Variants in ERBB4 observed in about 807,000 individuals in gnomAD.
The protein encoded by ERBB4 is receptor tyrosine-protein kinase erbB-4.
A neutral mutation model predicts 158.0 loss-of-function variants in ERBB4; 42 were observed. That is an observed-to-expected ratio of 0.27 (90% CI 0.21 to 0.34). ERBB4 has a LOEUF of 0.34. Ranked by LOEUF, ERBB4 falls within the 10% of genes least tolerant of loss-of-function variation. ERBB4 has a pLI of 1.00. For missense variants in ERBB4, 1,333 were observed against 1,624.1 expected (o/e 0.82, Z 3.08); for synonymous variants, 583 against 558.7 (o/e 1.04, Z -0.61).
intron 19 of ERBB4, among the ~76,000 whole-genome samples, chr2:211,570,893 C>T (rs960868576): frequency 6.6e-6 from 1 of 152,034 alleles, no homozygotes; most frequent in Non-Finnish European, 1.5e-5. Context: ...CTCATTTTCA[C>T]CAAAGTCAAC....
intron 1 of ERBB4, among the ~76,000 whole-genome samples, chr2:212,432,871 T>C (rs2105946624): frequency 6.6e-6 from 1 of 152,176 alleles, no homozygotes; most frequent in Middle Eastern, 3.4e-3. Flanking sequence ...ATTCAGATGG[T>C]CGGTGAGGAT....
chr2:211,391,919 G>A (rs1435314309), intron 25 of ERBB4, among the ~76,000 whole-genome samples: 1 of 151,978 alleles, frequency 6.6e-6, no homozygotes, highest in Non-Finnish European at 1.5e-5. Flanking sequence ...AAATTAAACA[G>A]GTGATCAATG....
chr2:212,340,932 C>T (rs557275746), intron 1 of ERBB4, among the ~76,000 whole-genome samples: 2 of 152,096 alleles, frequency 1.3e-5, no homozygotes, highest in Non-Finnish European at 2.9e-5. Context: ...TAGATAATCA[C>T]AATTGATTTA....
intron 3 of ERBB4, among the ~76,000 whole-genome samples, chr2:211,919,909 T>C (rs574334398): frequency 6.6e-6 from 1 of 152,124 alleles, no homozygotes; most frequent in African/African-American, 2.4e-5. Context: ...TTCTGCAAAA[T>C]CTTCCTATAA....
At chr2:211,585,703 G>T (rs1039352510) in intron 19 of ERBB4, among the ~76,000 whole-genome samples, 2 of 151,988 alleles carry the variant, frequency 1.3e-5, no homozygotes, top group African/African-American at 2.4e-5. Flanking sequence ...AGCAAATAGG[G>T]TTTTAAGAAA....
intron 1 of ERBB4, among the ~76,000 whole-genome samples, chr2:212,184,646 G>GT (rs35634326): frequency 0.2 from 29,820 of 151,802 alleles, 3,114 homozygotes; most frequent in South Asian, 0.41. Flanking sequence ...GTGTTCGTTT[G>GT]TTTTTGTTTA....
intron 1 of ERBB4, among the ~76,000 whole-genome samples, chr2:212,387,553 G>T (rs142201490): frequency 6.6e-6 from 1 of 151,870 alleles, no homozygotes; most frequent in South Asian, 2.1e-4. Context: ...GAGTAGCTGG[G>T]ATTACGGGCA....
At chr2:211,847,632 A>T (rs1016896236) in intron 3 of ERBB4, among the ~76,000 whole-genome samples, 7 of 100,362 alleles carry the variant, frequency 7.0e-5, no homozygotes, top group African/African-American at 2.7e-4. Flanking sequence ...AAACATTATG[A>T]TTTTTTTTTG....
chr2:211,816,421 G>T (rs2076881178), intron 3 of ERBB4, among the ~76,000 whole-genome samples: 1 of 150,892 alleles, frequency 6.6e-6, no homozygotes, highest in Non-Finnish European at 1.5e-5. Context: ...CACGCCTGTA[G>T]TCCCAGTGAC....
intron 1 of ERBB4, among the ~76,000 whole-genome samples, chr2:212,192,857 T>C (rs566797217): frequency 6.6e-6 from 1 of 152,200 alleles, no homozygotes; most frequent in African/African-American, 2.4e-5. Context: ...TAGTGTGATT[T>C]GCTATCCATA....
At chr2:212,061,814 C>T (rs1398054704) in intron 2 of ERBB4, among the ~76,000 whole-genome samples, 1 of 150,942 alleles carries the variant, frequency 6.6e-6, no homozygotes, top group Non-Finnish European at 1.5e-5. Flanking sequence ...CAGCTCACCA[C>T]AAACTCCACC....
Position 211,492,697 on chromosome 2 carries a change from C to A in ERBB4, c.2488-61597G>T, listed in dbSNP as rs1235424889. 1.2e-4 allele frequency among the ~76,000 whole-genome samples: 19 copies of A among 152,110 alleles called. 1 individual carries two copies. The highest frequency in any genetic ancestry group is 1.2e-3 in the Admixed American group (19 of 15,286). ...GAGACCTTTGAGTCCCCTCTCTTAA[C>A]CTCCATTCACACTGTCAAACTATAT... On this transcript the variant is annotated intron_variant, in intron 20 of 27. Transcript: ENST00000342788.
intron 10 of ERBB4, 30 bp from the exon 11 acceptor site, chr2:211,704,224 A>G: frequency 7.4e-7 from 1 of 1,351,488 alleles, no homozygotes; most frequent in Non-Finnish European, 1.1e-6. Flanking sequence ...AAAATAAATC[A>G]GAATATCATT....
In ERBB4 at chr2:211,678,391, A is replaced by G. The variant is rs368556000; in HGVS notation, c.1622+661T>C. ...GAAGTATGAGAGGAAAATAAAAAAT[A>G]TTATTGGGATACATGGAGAGGAAGA... On this transcript the variant is annotated intron_variant, in intron 13 of 27. Transcript: ENST00000342788. Among the ~76,000 whole-genome samples, 3 of 152,112 alleles carry G rather than the reference A, an allele frequency of 2.0e-5. No homozygotes were observed. The East Asian group carries it at 5.8e-4, about 29-fold the overall frequency.
rs968241534 is a variant in ERBB4, at chr2:211,738,514, G to A, written c.622+12125C>T. 2.0e-5 allele frequency among the ~76,000 whole-genome samples: 3 copies of A among 151,816 alleles called. No homozygotes were observed. The East Asian group carries it at 5.8e-4, about 29-fold the overall frequency. On this transcript the variant is annotated intron_variant, in intron 5 of 27. Coordinates refer to ENST00000342788, the MANE Select transcript of ERBB4 (RefSeq NM_005235.3). ...CTCTTGAGTAGCTGGGACTACAGGT[G>A]TCTCTGCCACCACACTCAGCTAATT...
intron 15 of ERBB4, among the ~76,000 whole-genome samples, chr2:211,659,921 T>G (rs908827124): frequency 6.6e-6 from 1 of 152,194 alleles, no homozygotes; most frequent in Non-Finnish European, 1.5e-5. Context: ...AGAGCCAACC[T>G]AGAAGGGCAT....
intron 19 of ERBB4, among the ~76,000 whole-genome samples, chr2:211,607,435 G>T (rs2069024381): frequency 6.6e-6 from 1 of 152,162 alleles, no homozygotes; most frequent in Non-Finnish European, 1.5e-5. Context: ...ACAGATAATG[G>T]AATATTTAAT....
intron 1 of ERBB4, among the ~76,000 whole-genome samples, chr2:212,407,710 C>G (rs1349956666): frequency 6.6e-6 from 1 of 151,980 alleles, no homozygotes. Context: ...AACAGCAGTA[C>G]AAAGTTACTT....
At chr2:212,147,175 T>TTTTTC (rs1426708536) in intron 1 of ERBB4, among the ~76,000 whole-genome samples, 7 of 132,890 alleles carry the variant, frequency 5.3e-5, no homozygotes, top group African/African-American at 1.7e-4. Context: ...TTTTTTTTTT[T>TTTTTC]TTTTTTTTTT....
Sources: allele counts gnomAD v4.1 joint callset (sites outside exome capture counted in the v4.1 genomes callset), GRCh38; gene constraint gnomAD v4.1.1; transcripts MANE v1.5; gene names NCBI Gene and HGNC (gene_info 2026-07-23, HGNC 2026-07-21).